Variants in ZNF334 observed in about 807,000 individuals in gnomAD.
The protein encoded by ZNF334 is zinc finger protein 334.
A neutral mutation model predicts 12.4 loss-of-function variants in ZNF334; 14 were observed. The observed-to-expected ratio is 1.13, with a 90% CI of 0.74 to 1.76. ZNF334 has a LOEUF of 1.76. ZNF334 is among the 40% of genes most tolerant of loss of function. ZNF334 has a pLI of 0.00. For synonymous variants in ZNF334, 273 were observed against 269.6 expected (o/e 1.01, Z -0.12); for missense variants, 797 against 804.5 (o/e 0.99, Z 0.11).
chr20:46,504,776 TG>T lies in ZNF334; in HGVS notation c.22-37del, dbSNP rs2061373996. Reference sequence around the variant, plus strand: ...ATGTTTAATCTTGGGTGACCAAAATTGAGTGATATCAAATGTATGGTAACAT... The same window carrying T: ...ATGTTTAATCTTGGGTGACCAAAATTAGTGATATCAAATGTATGGTAACAT... On this transcript the variant is annotated intron_variant, in intron 2 of 4. Coordinates refer to ENST00000692313, the MANE Select transcript of ZNF334 (RefSeq NM_001353824.2). The T allele has an allele frequency of 3.2e-6, 5 of 1,568,146 alleles. No homozygotes were observed. In the East Asian group the frequency reaches 1.1e-4, roughly 36 times the overall value.
chr20:46,469,159 T>G, the ZNF334 span, among the ~76,000 whole-genome samples: 5 of 152,190 alleles, frequency 3.3e-5, no homozygotes, highest in African/African-American at 1.2e-4. Flanking sequence ...AATAATGGTA[T>G]CAGTAGACAA....
the ZNF334 span, chr20:46,485,085 T>C: frequency 6.0e-6 from 1 of 167,282 alleles, no homozygotes; most frequent in Non-Finnish European, 1.5e-5. Context: ...TGACAGGTGA[T>C]CCCTGCCCAG....
chr20:46,482,321 A>G, the ZNF334 span, among the ~76,000 whole-genome samples: 5 of 152,316 alleles, frequency 3.3e-5, no homozygotes, highest in East Asian at 7.7e-4. Context: ...TAAATGATGG[A>G]GATCACGTTT....
At chr20:46,486,537 TCTTTA>T in the ZNF334 span, among the ~76,000 whole-genome samples, 1 of 152,218 alleles carries the variant, frequency 6.6e-6, no homozygotes, top group South Asian at 2.1e-4. Flanking sequence ...GTTTCTGAAA[TCTTTA>T]CTTGTTATAT....
the ZNF334 span, among the ~76,000 whole-genome samples, chr20:46,489,946 TGCTC>T: frequency 6.6e-6 from 1 of 152,218 alleles, no homozygotes; most frequent in African/African-American, 2.4e-5. Flanking sequence ...TATATAGAAA[TGCTC>T]AATCTATAAT....
downstream of ZNF334, among the ~76,000 whole-genome samples, chr20:46,497,198 C>A (rs1043229657): frequency 1.3e-5 from 2 of 152,200 alleles, no homozygotes; most frequent in African/African-American, 4.8e-5. Context: ...GAGACCTCAG[C>A]TGATGCAGTT....
chr20:46,505,440 T>C (rs2061397499), intron 2 of ZNF334: 1 of 153,472 alleles, frequency 6.5e-6, no homozygotes, highest in Non-Finnish European at 1.5e-5. Flanking sequence ...TCAATAAAGC[T>C]TAATTATTTT....
intron 2 of ZNF334, among the ~76,000 whole-genome samples, chr20:46,511,015 GA>G (rs2061630628): frequency 6.6e-6 from 1 of 151,396 alleles, no homozygotes; most frequent in African/African-American, 2.4e-5. Context: ...CAAAGGGCAT[GA>G]AAAAAAATCA....
downstream of ZNF334, among the ~76,000 whole-genome samples, chr20:46,498,162 T>C (rs565432503): frequency 2.6e-5 from 4 of 152,216 alleles, no homozygotes; most frequent in African/African-American, 4.8e-5. Context: ...TGCATTCTTA[T>C]GGTGGTTGCC....
chr20:46,510,368 TTA>T (rs2061599527), intron 2 of ZNF334, among the ~76,000 whole-genome samples: 1 of 151,806 alleles, frequency 6.6e-6, no homozygotes, highest in African/African-American at 2.4e-5. Flanking sequence ...CAAGAAATGT[TTA>T]TGTGACAACA....
At chr20:46,489,649 CAAAAAAAAA>C in the ZNF334 span, among the ~76,000 whole-genome samples, 4 of 90,746 alleles carry the variant, frequency 4.4e-5, no homozygotes, top group East Asian at 6.2e-4. Flanking sequence ...CAGACTCTCT[CAAAAAAAAA>C]AAAAAAAAAA....
At chr20:46,498,897 G>A (rs1337830933), downstream of ZNF334, among the ~76,000 whole-genome samples, 2 of 152,292 alleles carry the variant, frequency 1.3e-5, no homozygotes, top group Admixed American at 6.5e-5. Flanking sequence ...GTGAAGGGCC[G>A]GGCGCGGTGG....
At chr20:46,510,489 G>T (rs964747290) in intron 2 of ZNF334, among the ~76,000 whole-genome samples, 3 of 152,188 alleles carry the variant, frequency 2.0e-5, no homozygotes, top group Admixed American at 2.0e-4. Flanking sequence ...ACTTAGTGAG[G>T]CCGAGGCAGG....
intron 2 of ZNF334, among the ~76,000 whole-genome samples, chr20:46,507,740 G>A (rs1477704641): frequency 6.6e-6 from 1 of 152,148 alleles, no homozygotes; most frequent in African/African-American, 2.4e-5. Context: ...TCTTTCTACT[G>A]ACAAATTTTA....
chr20:46,507,205 G>C (rs2061463747), intron 2 of ZNF334, among the ~76,000 whole-genome samples: 1 of 151,358 alleles, frequency 6.6e-6, no homozygotes, highest in African/African-American at 2.4e-5. Flanking sequence ...TGAAGGGAGG[G>C]AGGAAAGACA....
chr20:46,485,364 T>C, the ZNF334 span, among the ~76,000 whole-genome samples: 2 of 151,984 alleles, frequency 1.3e-5, no homozygotes. Context: ...AATAGCTGAA[T>C]AGGTCAAAAA....
At chr20:46,485,335 C>T in the ZNF334 span, among the ~76,000 whole-genome samples, 1 of 152,030 alleles carries the variant, frequency 6.6e-6, no homozygotes, top group South Asian at 2.1e-4. Flanking sequence ...AAGTTACTAC[C>T]CAAATGGATA....
At chr20:46,493,680 A>G in the ZNF334 span, among the ~76,000 whole-genome samples, 12 of 152,362 alleles carry the variant, frequency 7.9e-5, no homozygotes, top group African/African-American at 2.9e-4. Context: ...GACTCTTTAC[A>G]AAAGTGTGGA....
Position 46,500,256 on chromosome 20 carries a change from T to C in ZNF334, c.*1040A>G, listed in dbSNP as rs2061108987. 1 of 152,028 alleles carries C rather than the reference T, an allele frequency of 6.6e-6. No homozygotes were observed. The highest frequency in any genetic ancestry group is 2.1e-4 in the South Asian group (1 of 4,820). The allele number at this position is 152,028 out of a possible 1,614,324, so 9.4% of individuals were successfully genotyped here. On this transcript the variant is annotated 3_prime_UTR_variant, in exon 5 of 5. Coordinates refer to ENST00000692313, the MANE Select transcript of ZNF334 (RefSeq NM_001353824.2). ...AAGCTAGGAATGGGTATAGGGAAAA[T>C]CCCACTCATGGAAATCAGAACTTGA...
Sources: gnomAD v4.1 joint callset for allele counts (sites outside exome capture counted in the v4.1 genomes callset) on GRCh38, gnomAD v4.1.1 for gene constraint, MANE v1.5 for transcripts, NCBI Gene and HGNC (gene_info 2026-07-23, HGNC 2026-07-21) for gene names.